The following ALMS1 variants were observed in gnomAD, a reference collection of about 807,000 sequenced individuals.
The protein encoded by ALMS1 is centrosome-associated protein ALMS1.
A neutral mutation model predicts 352.2 loss-of-function variants in ALMS1; 271 were observed. That is an observed-to-expected ratio of 0.77 (90% CI 0.70 to 0.85). The LOEUF is 0.85. ALMS1 is among the 40% of genes least tolerant of loss of function. The probability of loss-of-function intolerance (pLI) is 0.00; values close to 1 mark genes in which losing one functional copy is unlikely to be tolerated. For synonymous variants in ALMS1, 1,865 were observed against 1,761.2 expected (o/e 1.06, Z -1.48); for missense variants, 5,445 against 4,870.7 (o/e 1.12, Z -3.51).
At chr2:73,560,102 T>G (rs1674625848) in intron 15 of ALMS1, among the ~76,000 whole-genome samples, 1 of 152,172 alleles carries the variant, frequency 6.6e-6, no homozygotes, top group Non-Finnish European at 1.5e-5. Flanking sequence ...TTCTACAGAA[T>G]GAGAGAAGAT....
chr2:73,471,723 T>C (rs1398994977), intron 9 of ALMS1, among the ~76,000 whole-genome samples: 2 of 151,804 alleles, frequency 1.3e-5, no homozygotes, highest in Non-Finnish European at 1.5e-5. Flanking sequence ...GTAACAAGTG[T>C]TGGAGAGGAT....
intron 16 of ALMS1, among the ~76,000 whole-genome samples, chr2:73,580,224 A>G (rs543035748): frequency 2.0e-5 from 3 of 152,096 alleles, no homozygotes; most frequent in Non-Finnish European, 2.9e-5. Flanking sequence ...ACTACAAGGC[A>G]TGCACCACCA....
At position 73,452,143 on chromosome 2, in the gene ALMS1, T is replaced by C; in HGVS notation, c.5616T>C (p.Thr1872=). Residue 1872 remains threonine (T), a synonymous_variant, in exon 8 of 23, where the codon ACT becomes ACC. Transcript: ENST00000613296. ...EQELPDLTEV[T]LKAIGVPGPA... is the part of the protein sequence containing the mutation. ...AGTTGCCAGATCTTACTGAAGTAACTTTGAAAGCAATAGGGGTTCCTGGGC... is the reference window on the plus strand; with the variant it reads ...AGTTGCCAGATCTTACTGAAGTAACCTTGAAAGCAATAGGGGTTCCTGGGC... 6.2e-7 allele frequency: 1 copy of C among 1,608,990 alleles called. No homozygotes were observed. Among genetic ancestry groups the C allele is most frequent in the South Asian group, 1.1e-5 (1 of 90,864 alleles).
chr2:73,499,772 C>G (rs55755814), intron 10 of ALMS1, among the ~76,000 whole-genome samples: 7 of 152,086 alleles, frequency 4.6e-5, no homozygotes, highest in Admixed American at 4.6e-4. Flanking sequence ...GGGCAGATCC[C>G]TCATGAATGG....
chr2:73,392,451 G>A (rs1477167182), intron 1 of ALMS1, among the ~76,000 whole-genome samples: 1 of 151,964 alleles, frequency 6.6e-6, no homozygotes, highest in South Asian at 2.1e-4. Context: ...TCATGATCAC[G>A]GTCAATTTTA....
chr2:73,481,988 G>A (rs1346201451), intron 9 of ALMS1, among the ~76,000 whole-genome samples: 3 of 152,038 alleles, frequency 2.0e-5, no homozygotes, highest in African/African-American at 4.8e-5. Flanking sequence ...CTGAGACAGT[G>A]GGGTTTTCTA....
Position 73,440,764 on chromosome 2 carries a change from A to G in ALMS1, c.1433-7196A>G, listed in dbSNP as rs116831219. ...TCAGTTTGTGATTTTCCTGGTTCTT[A>G]GTGGTAAAAATGAATTTTGATTATA... On this transcript the variant is annotated intron_variant, in intron 7 of 22. Coordinates refer to ENST00000613296, the MANE Select transcript of ALMS1 (RefSeq NM_001378454.1). Among the ~76,000 whole-genome samples the G allele has an allele frequency of 8.0e-3, 1,216 of 152,210 alleles. 21 individuals carry two copies. Among genetic ancestry groups the G allele is most frequent in the African/African-American group, 0.028 (1,149 of 41,534 alleles).
chr2:73,537,058 C>T (rs74523560), intron 12 of ALMS1, among the ~76,000 whole-genome samples: 18,602 of 152,138 alleles, frequency 0.12, 1,434 homozygotes, highest in Admixed American at 0.18. Context: ...CTAGTGGTTC[C>T]GTGAAGATTC....
At chr2:73,519,716 A>C in intron 10 of ALMS1, 59 bp from the exon 11 acceptor site, 1 of 1,595,744 alleles carries the variant, frequency 6.3e-7, no homozygotes, top group Non-Finnish European at 8.6e-7. Flanking sequence ...TTGGAAAGAG[A>C]TTTCAGTCTC....
intron 10 of ALMS1, among the ~76,000 whole-genome samples, chr2:73,515,042 C>G (rs879668639): frequency 6.6e-6 from 1 of 152,130 alleles, no homozygotes; most frequent in East Asian, 1.9e-4. Flanking sequence ...CTGCACTCTT[C>G]CCTCTTCTCC....
intron 9 of ALMS1, 61 bp downstream of exon 9, chr2:73,455,356 A>T: frequency 6.2e-7 from 1 of 1,601,750 alleles, no homozygotes; most frequent in South Asian, 1.1e-5. Context: ...TGGAATTAGG[A>T]TCTCTTACTT....
At chr2:73,441,778 A>AG in intron 7 of ALMS1, among the ~76,000 whole-genome samples, 1 of 146,752 alleles carries the variant, frequency 6.8e-6, no homozygotes, top group Middle Eastern at 3.2e-3. Context: ...TCTACCTTTC[A>AG]GTTTTTTTTT....
Position 73,408,713 on chromosome 2 carries a change from A to G in ALMS1, c.416A>G (p.Glu139Gly), listed in dbSNP as rs1250909943. 1.2e-6 allele frequency: 2 copies of G among 1,613,594 alleles called. No homozygotes were observed. Among genetic ancestry groups the G allele is most frequent in the Non-Finnish European group, 1.7e-6 (2 of 1,179,852 alleles). Residue 139 changes from glutamate (E) to glycine (G), a missense_variant, in exon 2 of 23, where the codon GAA (glutamate) becomes GGA (glycine). Transcript: ENST00000613296. ...TCTGATACTAATGTGGTCTGTTTGG[A>G]AACAACAGCTCAGCGGGGTTCTGGG... ...QISDTNVVCL[E>G]TTAQRGSGDD... is the part of the protein sequence containing the mutation.
intron 13 of ALMS1, among the ~76,000 whole-genome samples, chr2:73,551,032 G>T (rs979009533): frequency 6.6e-6 from 1 of 151,864 alleles, no homozygotes; most frequent in East Asian, 1.9e-4. Context: ...GTGATGGGGG[G>T]TTTTTTGTAG....
chr2:73,544,963 G>C (rs1330827374), intron 12 of ALMS1, among the ~76,000 whole-genome samples: 1 of 152,066 alleles, frequency 6.6e-6, no homozygotes, highest in African/African-American at 2.4e-5. Context: ...GCTTATATGA[G>C]GTACCTAGAA....
chr2:73,588,735 G>A lies in ALMS1; in HGVS notation c.11548-10666G>A, dbSNP rs185631696. ...ATATTAGCTCATGTTTCCAGCAGGT[G>A]GGCAAATAAACAACACAAGCAAACT... On this transcript the variant is annotated intron_variant, in intron 16 of 22. Coordinates refer to ENST00000613296, the MANE Select transcript of ALMS1 (RefSeq NM_001378454.1). Among the ~76,000 whole-genome samples the A allele has an allele frequency of 2.6e-5, 4 of 152,174 alleles. No homozygotes were observed. The East Asian group carries it at 7.7e-4, about 29-fold the overall frequency.
chr2:73,427,639 C>A (rs754751314), intron 6 of ALMS1, among the ~76,000 whole-genome samples: 27 of 152,106 alleles, frequency 1.8e-4, no homozygotes, highest in Non-Finnish European at 3.5e-4. Context: ...CCTCCCCTAA[C>A]CCCCTACCCC....
In ALMS1 at chr2:73,453,375, T is replaced by G. The variant is rs1442336894; in HGVS notation, c.6848T>G (p.Leu2283Arg). 6.2e-7 allele frequency: 1 copy of G among 1,613,924 alleles called. No individual in the cohort carries two copies. The highest frequency in any genetic ancestry group is 1.7e-5 in the Admixed American group (1 of 59,964). ...ALKRCNFPAPLARFRDISDIS... is the reference protein window; with the variant it reads ...ALKRCNFPAPRARFRDISDIS... ...AAACGATGCAATTTTCCTGCTCCCC[T>G]TGCCCGTTTCAGAGATATTAGTGAT... is the stretch of plus-strand genomic sequence containing the variant. Residue 2283 changes from leucine (L) to arginine (R), a missense_variant, in exon 8 of 23, where the codon CTT becomes CGT. Transcript: ENST00000613296.
chr2:73,460,669 C>A (rs1672172456), intron 9 of ALMS1, among the ~76,000 whole-genome samples: 1 of 152,228 alleles, frequency 6.6e-6, no homozygotes, highest in African/African-American at 2.4e-5. Context: ...TGCAAGGGGT[C>A]AGGGAGTTCC....
Sources: gnomAD v4.1 joint callset for allele counts (sites outside exome capture counted in the v4.1 genomes callset) on GRCh38, gnomAD v4.1.1 for gene constraint, MANE v1.5 for transcripts, NCBI Gene and HGNC (gene_info 2026-07-23, HGNC 2026-07-21) for gene names.